Variants in NALF1 observed in about 807,000 individuals in gnomAD.
NALF1 encodes NALCN channel auxiliary factor 1.
A neutral mutation model predicts 48.4 loss-of-function variants in NALF1; 3 were observed. The ratio of observed to expected loss-of-function variants is 0.06; its 90% CI spans 0.03 to 0.16. The LOEUF is 0.16. Ranked by LOEUF, NALF1 falls within the 10% of genes least tolerant of loss-of-function variation. The pLI is 1.00. For synonymous variants in NALF1, 262 were observed against 245.7 expected, an observed-to-expected ratio of 1.07 and a Z score of -0.62; for missense variants, 526 against 571.5, an observed-to-expected ratio of 0.92 and a Z score of 0.81.
chr13:107,603,616 T>C (rs575727293), intron 1 of NALF1, among the ~76,000 whole-genome samples: 1 of 152,276 alleles, frequency 6.6e-6, no homozygotes, highest in African/African-American at 2.4e-5. Context: ...AATGAACACA[T>C]TAACAGAGAG....
intron 1 of NALF1, among the ~76,000 whole-genome samples, chr13:107,424,696 C>T (rs984738658): frequency 3.9e-5 from 6 of 152,160 alleles, no homozygotes; most frequent in Admixed American, 2.6e-4. Flanking sequence ...AGAATACTGG[C>T]TAACTTCAAA....
intron 1 of NALF1, among the ~76,000 whole-genome samples, chr13:107,498,347 G>C (rs562665914): frequency 6.6e-6 from 1 of 152,250 alleles, no homozygotes; most frequent in Admixed American, 6.5e-5. Flanking sequence ...TGAAGAGCTT[G>C]GGAGAGGACT....
intron 1 of NALF1, among the ~76,000 whole-genome samples, chr13:107,811,921 G>C (rs1277772990): frequency 6.6e-6 from 1 of 152,174 alleles, no homozygotes. Context: ...ACACATTCAA[G>C]CCATAGCAAC....
Position 107,642,044 on chromosome 13 carries a change from C to T in NALF1, c.915+223638G>A, listed in dbSNP as rs935197995. On this transcript the variant is annotated intron_variant, in intron 1 of 2. Coordinates refer to ENST00000375915, the MANE Select transcript of NALF1 (RefSeq NM_001080396.3). ...CAGTGCTGAGACCAGGTAAGGTCCT[C>T]AGACCAGCAGCATCAACTGGCCTGG... 3.3e-5 allele frequency among the ~76,000 whole-genome samples: 5 copies of T among 152,148 alleles called. No homozygotes were observed. In the East Asian group the frequency reaches 9.6e-4, roughly 29 times the overall value.
rs566799076 is a variant in NALF1, at chr13:107,840,442, C to A, written c.915+25240G>T. Among the ~76,000 whole-genome samples, 30 of 152,318 alleles carry A rather than the reference C, an allele frequency of 2.0e-4. 2 individuals carry two copies. The South Asian group carries it at 5.4e-3, about 27-fold the overall frequency. The stretch of plus-strand genomic sequence containing the variant: ...AAATTGTACCAATCTTATAACATGA[C>A]CTTCCTGGTCAAGGTTCAAGGTGTC... On this transcript the variant is annotated intron_variant, in intron 1 of 2. Coordinates refer to ENST00000375915, the MANE Select transcript of NALF1 (RefSeq NM_001080396.3).
chr13:107,567,898 C>A (rs1428854459), intron 1 of NALF1, among the ~76,000 whole-genome samples: 1 of 152,162 alleles, frequency 6.6e-6, no homozygotes, highest in East Asian at 1.9e-4. Flanking sequence ...TTGAGAAGGG[C>A]TATTTTACTC....
At chr13:107,817,194 G>A (rs1403143298) in intron 1 of NALF1, among the ~76,000 whole-genome samples, 1 of 152,158 alleles carries the variant, frequency 6.6e-6, no homozygotes, top group Non-Finnish European at 1.5e-5. Flanking sequence ...CTCATTACAA[G>A]GTTATCTAAA....
chr13:107,354,479 T>A (rs1882927709), intron 1 of NALF1, among the ~76,000 whole-genome samples: 1 of 152,110 alleles, frequency 6.6e-6, no homozygotes, highest in African/African-American at 2.4e-5. Context: ...TGCTACATGC[T>A]TTTAAACAAC....
chr13:107,855,040 C>A (rs1426358378), intron 1 of NALF1, among the ~76,000 whole-genome samples: 1 of 152,132 alleles, frequency 6.6e-6, no homozygotes, highest in Non-Finnish European at 1.5e-5. Context: ...AGAGCAGGCA[C>A]AGTGGAGTGC....
intron 1 of NALF1, among the ~76,000 whole-genome samples, chr13:107,645,951 C>A (rs1179666313): frequency 1.3e-5 from 2 of 152,096 alleles, no homozygotes; most frequent in Non-Finnish European, 2.9e-5. Flanking sequence ...CTCTTGGTAG[C>A]CACTCTCAAC....
intron 1 of NALF1, among the ~76,000 whole-genome samples, chr13:107,391,624 T>C (rs1883628704): frequency 6.6e-6 from 1 of 152,180 alleles, no homozygotes. Flanking sequence ...GAGCTTCCTC[T>C]GCACAAGAAA....
At chr13:107,653,181 T>C (rs1300062532) in intron 1 of NALF1, among the ~76,000 whole-genome samples, 1 of 152,000 alleles carries the variant, frequency 6.6e-6, no homozygotes, top group Non-Finnish European at 1.5e-5. Context: ...AATCTATGCT[T>C]TATTTTACCA....
At chr13:107,864,708 G>C (rs188650810) in intron 1 of NALF1, among the ~76,000 whole-genome samples, 1 of 152,244 alleles carries the variant, frequency 6.6e-6, no homozygotes, top group Non-Finnish European at 1.5e-5. Flanking sequence ...CTTCAGTACA[G>C]CTCTTGGGTA....
chr13:107,337,538 A>T (rs1882583715), intron 1 of NALF1, among the ~76,000 whole-genome samples: 2 of 152,132 alleles, frequency 1.3e-5, no homozygotes, highest in Non-Finnish European at 2.9e-5. Context: ...AAATAAGAAG[A>T]GATGAATACT....
At chr13:107,764,527 AG>A (rs1420584607) in intron 1 of NALF1, among the ~76,000 whole-genome samples, 1 of 152,176 alleles carries the variant, frequency 6.6e-6, no homozygotes, top group Non-Finnish European at 1.5e-5. Flanking sequence ...ATTCTAATGA[AG>A]GGACTTTGTC....
intron 1 of NALF1, among the ~76,000 whole-genome samples, chr13:107,819,752 ACT>A (rs138204663): frequency 2.8e-5 from 4 of 143,162 alleles, no homozygotes; most frequent in Admixed American, 2.1e-4. Context: ...CTCTCTGGAA[ACT>A]CTCTCTCTTT....
intron 1 of NALF1, among the ~76,000 whole-genome samples, chr13:107,230,833 G>A (rs1449859288): frequency 6.6e-6 from 1 of 152,052 alleles, no homozygotes; most frequent in Admixed American, 6.6e-5. Context: ...GCCAAGGTGG[G>A]AGGGTCACTT....
intron 1 of NALF1, among the ~76,000 whole-genome samples, chr13:107,582,058 T>C (rs768114668): frequency 2.0e-5 from 3 of 152,170 alleles, no homozygotes; most frequent in Admixed American, 2.0e-4. Context: ...TCCAGTGCTG[T>C]AGGTTGCTTA....
chr13:107,565,096 T>A (rs982921937), intron 1 of NALF1, among the ~76,000 whole-genome samples: 977 of 54,166 alleles, frequency 0.018, no homozygotes, highest in Middle Eastern at 0.052. Flanking sequence ...CTAGCATAAG[T>A]AAAAGACAAA....
Sources: gnomAD v4.1 joint callset for allele counts (sites outside exome capture counted in the v4.1 genomes callset) on GRCh38, gnomAD v4.1.1 for gene constraint, MANE v1.5 for transcripts, NCBI Gene and HGNC (gene_info 2026-07-23, HGNC 2026-07-21) for gene names.